Variants in INPP4B observed in about 807,000 individuals in gnomAD.
INPP4B encodes inositol polyphosphate 4-phosphatase type II.
A neutral mutation model predicts 122.5 loss-of-function variants in INPP4B; 55 were observed. The ratio of observed to expected loss-of-function variants is 0.45; its 90% CI spans 0.36 to 0.56. The LOEUF (loss-of-function observed/expected upper bound fraction) is 0.56. Among genes scored for constraint, INPP4B ranks in the 20% least tolerant of loss-of-function variants. The probability of loss-of-function intolerance (pLI) is 0.00; values close to 1 mark genes in which losing one functional copy is unlikely to be tolerated. For missense variants in INPP4B, 1,000 were observed against 1,097.7 expected (o/e 0.91, Z 1.26); for synonymous variants, 403 against 388.7 (o/e 1.04, Z -0.43).
intron 2 of INPP4B, chr4:142,514,101 A>T (rs1825107900): frequency 6.6e-6 from 1 of 152,224 alleles, no homozygotes; most frequent in South Asian, 2.1e-4. Flanking sequence ...AGTAGAAATC[A>T]GCCATATGAA....
chr4:142,769,269 T>C (rs928931605), intron 1 of INPP4B, among the ~76,000 whole-genome samples: 1 of 152,074 alleles, frequency 6.6e-6, no homozygotes, highest in African/African-American at 2.4e-5. Context: ...TAGTGCATGC[T>C]CTCTGCAGCT....
In INPP4B at chr4:142,190,207, GT is replaced by G. The variant is rs768014701; in HGVS notation, c.1181+2879del. Among the ~76,000 whole-genome samples the G allele has an allele frequency of 5.4e-4, 20 of 36,946 alleles. No individual in the cohort carries two copies. The South Asian group carries it at 0.022, about 40-fold the overall frequency. 24.2% of individuals were successfully genotyped at this position (36,946 alleles called of 152,430 possible). A position where few individuals can be genotyped will look rare whatever the true frequency, so the allele number is the denominator to read the frequency against. On this transcript the variant is annotated intron_variant, in intron 15 of 25. Coordinates refer to ENST00000262992, the MANE Select transcript of INPP4B (RefSeq NM_001101669.3). The stretch of plus-strand genomic sequence containing the variant: ...TTTATTTGTTTGTTTGTTTATTTTT[GT>G]TTTTTTTTTTTTGGTGGGGGGCAAT...
intron 2 of INPP4B, among the ~76,000 whole-genome samples, chr4:142,465,687 G>A (rs973617399): frequency 6.6e-6 from 1 of 152,170 alleles, no homozygotes; most frequent in African/African-American, 2.4e-5. Context: ...AGGTTGAAAT[G>A]TGATTCCCAG....
In INPP4B at chr4:142,131,880, G is replaced by A. The variant is rs564058420; in HGVS notation, c.1721-7120C>T. Among the ~76,000 whole-genome samples, 24 of 152,138 alleles carry A rather than the reference G, an allele frequency of 1.6e-4. No individual in the cohort carries two copies. The South Asian group carries it at 2.1e-3, about 13-fold the overall frequency. On this transcript the variant is annotated intron_variant, in intron 18 of 25. Coordinates refer to ENST00000262992, the MANE Select transcript of INPP4B (RefSeq NM_001101669.3). ...TGAGGCAGGAGAATTGCTTGAACCC[G>A]GGAGGTGGAGGTTGCAGTGAGCCAA... is the stretch of plus-strand genomic sequence containing the variant.
intron 3 of INPP4B, among the ~76,000 whole-genome samples, chr4:142,448,581 G>A (rs1001738112): frequency 6.6e-6 from 1 of 152,092 alleles, no homozygotes. Context: ...GTTAAGTAAG[G>A]ATCAGACAAA....
At chr4:142,540,679 C>G (rs976303528) in intron 2 of INPP4B, among the ~76,000 whole-genome samples, 1 of 152,008 alleles carries the variant, frequency 6.6e-6, no homozygotes, top group Admixed American at 6.6e-5. Flanking sequence ...TGTTGTGCTA[C>G]GAATATTCTA....
intron 23 of INPP4B, among the ~76,000 whole-genome samples, chr4:142,093,077 T>C (rs575041127): frequency 6.6e-6 from 1 of 152,268 alleles, no homozygotes; most frequent in Non-Finnish European, 1.5e-5. Context: ...CTCTTGGAAC[T>C]TGCCGACTGT....
intron 2 of INPP4B, among the ~76,000 whole-genome samples, chr4:142,624,338 A>T (rs964504119): frequency 1.9e-4 from 29 of 150,966 alleles, no homozygotes; most frequent in Non-Finnish European, 4.0e-4. Flanking sequence ...GCATTTTTTC[A>T]TGTGTTTTTT....
intron 2 of INPP4B, among the ~76,000 whole-genome samples, chr4:142,625,181 G>GTCAAA (rs1311183456): frequency 8.6e-5 from 13 of 151,704 alleles, no homozygotes; most frequent in African/African-American, 3.1e-4. Flanking sequence ...AGGAAAAGAG[G>GTCAAA]AAGTCAAATT....
chr4:142,318,053 C>A (rs186745324), intron 7 of INPP4B, among the ~76,000 whole-genome samples: 1 of 152,124 alleles, frequency 6.6e-6, no homozygotes, highest in East Asian at 1.9e-4. Flanking sequence ...TCCCGAGTCA[C>A]CTTGGAAAAA....
intron 18 of INPP4B, among the ~76,000 whole-genome samples, chr4:142,133,576 C>T (rs1333126028): frequency 6.6e-6 from 1 of 152,150 alleles, no homozygotes; most frequent in Non-Finnish European, 1.5e-5. Context: ...TCCTCTTGTT[C>T]AAAACTCTCT....
chr4:142,697,777 T>C (rs565761741), intron 2 of INPP4B, among the ~76,000 whole-genome samples: 1 of 152,266 alleles, frequency 6.6e-6, no homozygotes, highest in South Asian at 2.1e-4. Flanking sequence ...TCCTAGAACA[T>C]GAGGCATGGG....
At chr4:142,811,719 T>C (rs568509687) in intron 1 of INPP4B, among the ~76,000 whole-genome samples, 16 of 152,200 alleles carry the variant, frequency 1.1e-4, no homozygotes, top group Non-Finnish European at 1.8e-4. Context: ...TGCGTGTACA[T>C]TGATTTTTAT....
At position 142,192,354 on chromosome 4, in the gene INPP4B, A is replaced by AAAAAAAAAAAAAAAG. The variant is rs148371542; in HGVS notation, c.1181+732_1181+733insCTTTTTTTTTTTTTT. On this transcript the variant is annotated intron_variant, in intron 15 of 25. Coordinates refer to ENST00000262992, the MANE Select transcript of INPP4B (RefSeq NM_001101669.3). Reference sequence around the variant, plus strand: ...AAAGTAAAAAAAAAAAAAAAAAAAAATGGGATTCTTAAGAAGAATAACTAT... The same window carrying AAAAAAAAAAAAAAAG: ...AAAGTAAAAAAAAAAAAAAAAAAAAAAAAAAAAAAAAAAAGTGGGATTCTTAAGAAGAATAACTAT... Among the ~76,000 whole-genome samples, 154 of 73,158 alleles carry AAAAAAAAAAAAAAAG rather than the reference A, an allele frequency of 2.1e-3. 15 individuals are homozygous for AAAAAAAAAAAAAAAG. The highest frequency in any genetic ancestry group is 7.3e-3 in the East Asian group (15 of 2,048). The allele number at this position is 73,158 out of a possible 152,430, so 48.0% of individuals were successfully genotyped here.
intron 1 of INPP4B, among the ~76,000 whole-genome samples, chr4:142,836,287 A>G (rs1782760879): frequency 6.6e-6 from 1 of 151,956 alleles, no homozygotes; most frequent in Non-Finnish European, 1.5e-5. Flanking sequence ...ACACACACAC[A>G]CATCAGAGAA....
intron 12 of INPP4B, among the ~76,000 whole-genome samples, chr4:142,235,275 A>G (rs968979332): frequency 6.6e-6 from 1 of 151,940 alleles, no homozygotes; most frequent in African/African-American, 2.4e-5. Flanking sequence ...TTTTAAATGA[A>G]GTGGTGTTAA....
At position 142,208,903 on chromosome 4, in the gene INPP4B, C is replaced by G; in HGVS notation, c.960G>C (p.Lys320Asn). The G allele has an allele frequency of 6.4e-7, 1 of 1,561,514 alleles. No homozygotes were observed. The highest frequency in any genetic ancestry group is 8.7e-7 in the Non-Finnish European group (1 of 1,150,978). The change falls in exon 13 of 26, where the codon AAG becomes AAC. Residue 320 changes from lysine (K) to asparagine (N), a missense_variant. Transcript: ENST00000262992. ...MYQDILTELSKETGSSFKSSS... is the reference protein window; with the variant it reads ...MYQDILTELSNETGSSFKSSS... ...GAGAAATTGCTTCCACACCTGTTTC[C>G]TTGCTAAGTTCTGTCAGAATGTCTT...
At chr4:142,057,402 G>A (rs1758263959) in intron 25 of INPP4B, among the ~76,000 whole-genome samples, 1 of 151,854 alleles carries the variant, frequency 6.6e-6, no homozygotes, top group South Asian at 2.1e-4. Flanking sequence ...GGTTAGTGAT[G>A]GAATGCGAGA....
intron 1 of INPP4B, among the ~76,000 whole-genome samples, chr4:142,769,209 G>A (rs1461609994): frequency 6.6e-6 from 1 of 152,182 alleles, no homozygotes; most frequent in African/African-American, 2.4e-5. Flanking sequence ...AAAGAAGGAA[G>A]AAGAAAATAG....
Sources: gnomAD v4.1 joint callset for allele counts (sites outside exome capture counted in the v4.1 genomes callset) on GRCh38, gnomAD v4.1.1 for gene constraint, MANE v1.5 for transcripts, NCBI Gene and HGNC (gene_info 2026-07-23, HGNC 2026-07-21) for gene names.